The following TAFA2 variants were observed in gnomAD, a reference collection of about 807,000 sequenced individuals.
The protein encoded by TAFA2 is chemokine-like protein TAFA-2.
In TAFA2, 7 loss-of-function variants were observed where a neutral mutation model predicts 18.8. The ratio of observed to expected loss-of-function variants is 0.37; its 90% CI spans 0.21 to 0.70. The LOEUF is 0.70. Ranked by LOEUF, TAFA2 falls within the 30% of genes least tolerant of loss-of-function variation. The pLI, the probability that TAFA2 is intolerant of heterozygous loss-of-function variation, is 0.53. For synonymous variants in TAFA2, 60 were observed against 54.2 expected, an observed-to-expected ratio of 1.11 and a Z score of -0.47; for missense variants, 122 against 158.1, an observed-to-expected ratio of 0.77 and a Z score of 1.23.
intron 1 of TAFA2, among the ~76,000 whole-genome samples, chr12:61,953,898 G>A (rs1359470897): frequency 6.6e-6 from 1 of 152,188 alleles, no homozygotes; most frequent in Non-Finnish European, 1.5e-5. Flanking sequence ...TTTTTGAAAA[G>A]CGTATTAAGA....
chr12:62,095,562 T>C (rs2136840736), intron 1 of TAFA2, among the ~76,000 whole-genome samples: 1 of 152,210 alleles, frequency 6.6e-6, no homozygotes, highest in African/African-American at 2.4e-5. Context: ...TTTCATTTAG[T>C]AAGGCAGACT....
intron 1 of TAFA2, among the ~76,000 whole-genome samples, chr12:61,994,902 G>C (rs1203868101): frequency 6.6e-6 from 1 of 152,030 alleles, no homozygotes; most frequent in Non-Finnish European, 1.5e-5. Context: ...AATACATCCT[G>C]AACATGCTCA....
intron 4 of TAFA2, among the ~76,000 whole-genome samples, chr12:61,719,840 G>T (rs1377883486): frequency 1.3e-5 from 2 of 152,140 alleles, no homozygotes; most frequent in Non-Finnish European, 2.9e-5. Context: ...GTGAGAACAT[G>T]CCAGAAGCAG....
At chr12:62,095,518 A>T (rs1868911628) in intron 1 of TAFA2, among the ~76,000 whole-genome samples, 1 of 152,164 alleles carries the variant, frequency 6.6e-6, no homozygotes, top group African/African-American at 2.4e-5. Flanking sequence ...GCAAGAAATT[A>T]GTATCTATAT....
At chr12:61,958,865 A>C (rs971683051) in intron 1 of TAFA2, among the ~76,000 whole-genome samples, 10 of 151,986 alleles carry the variant, frequency 6.6e-5, no homozygotes, top group African/African-American at 2.4e-4. Flanking sequence ...CCTAACCACC[A>C]TATTTTTGAG....
chr12:61,978,822 A>G (rs1481172202), intron 1 of TAFA2, among the ~76,000 whole-genome samples: 1 of 152,114 alleles, frequency 6.6e-6, no homozygotes, highest in Non-Finnish European at 1.5e-5. Context: ...AGAAACTGCA[A>G]GGATTGAAGT....
chr12:62,077,169 C>T (rs1868255062), intron 1 of TAFA2, among the ~76,000 whole-genome samples: 1 of 152,162 alleles, frequency 6.6e-6, no homozygotes, highest in Non-Finnish European at 1.5e-5. Context: ...TGTTGGCTGA[C>T]TTGATTAAGT....
intron 1 of TAFA2, among the ~76,000 whole-genome samples, chr12:61,894,292 A>C (rs894432083): frequency 2.6e-5 from 4 of 152,230 alleles, no homozygotes; most frequent in Non-Finnish European, 5.9e-5. Flanking sequence ...TAAATATAAA[A>C]GTTTTGCTAA....
In TAFA2 at chr12:62,143,604, C is replaced by A. The variant is rs2062255899; in HGVS notation, c.-2+47655G>T. 2.6e-5 allele frequency among the ~76,000 whole-genome samples: 4 copies of A among 152,178 alleles called. No homozygotes were observed. The South Asian group carries it at 8.3e-4, about 32-fold the overall frequency. On this transcript the variant is annotated intron_variant, in intron 1 of 4. Coordinates refer to ENST00000416284, the MANE Select transcript of TAFA2 (RefSeq NM_178539.5). ...TCTATGTGAAGGTAGCTGGCTAGAC[C>A]AATACAGCCCACAACCTGAGCAGCT... is the stretch of plus-strand genomic sequence containing the variant.
chr12:62,051,556 CA>C (rs1489720247), intron 1 of TAFA2, among the ~76,000 whole-genome samples: 1 of 151,854 alleles, frequency 6.6e-6, no homozygotes, highest in Non-Finnish European at 1.5e-5. Flanking sequence ...AGGAGAAATT[CA>C]AAAATGTACA....
chr12:62,063,414 A>G (rs1882404041), intron 1 of TAFA2, among the ~76,000 whole-genome samples: 1 of 152,242 alleles, frequency 6.6e-6, no homozygotes, highest in East Asian at 1.9e-4. Flanking sequence ...ATTCTTATTC[A>G]TTTATCTGTT....
chr12:61,923,071 C>G (rs1347960664), intron 1 of TAFA2, among the ~76,000 whole-genome samples: 1 of 152,212 alleles, frequency 6.6e-6, no homozygotes. Context: ...CAGGGCATCT[C>G]TGAAAGAAAG....
chr12:61,777,569 CAATAGAACACATA>C (rs1870319569), intron 2 of TAFA2, among the ~76,000 whole-genome samples: 1 of 151,642 alleles, frequency 6.6e-6, no homozygotes, highest in Non-Finnish European at 1.5e-5. Context: ...ACCTAAGAGT[CAATAGAACACATA>C]AATAGGGGCA....
intron 4 of TAFA2, among the ~76,000 whole-genome samples, chr12:61,713,554 CA>C (rs1869511999): frequency 6.6e-6 from 1 of 152,134 alleles, no homozygotes; most frequent in Non-Finnish European, 1.5e-5. Flanking sequence ...TATCTACCAG[CA>C]CCCTCCCTGA....
intron 1 of TAFA2, among the ~76,000 whole-genome samples, chr12:61,994,690 CT>C (rs1181670160): frequency 1.3e-5 from 2 of 152,094 alleles, no homozygotes; most frequent in Admixed American, 6.6e-5. Flanking sequence ...CTCTCCCTTC[CT>C]CATTTTTTTA....
chr12:62,087,922 T>A (rs1282739282), intron 1 of TAFA2, among the ~76,000 whole-genome samples: 1 of 152,108 alleles, frequency 6.6e-6, no homozygotes. Context: ...CCAACAAATC[T>A]TGCTGTTTTC....
rs147910740 is a variant in TAFA2, at chr12:61,902,486, C to G, written c.-1-35060G>C. Among the ~76,000 whole-genome samples the G allele has an allele frequency of 3.3e-5, 5 of 152,220 alleles. No homozygotes were observed. The East Asian group carries it at 9.7e-4, about 29-fold the overall frequency. ...GCATACCCTTATTTTTTAACACTTTCCTCTCTTCTGGGAGTGAGGCTTTGA... is the reference window on the plus strand; with the variant it reads ...GCATACCCTTATTTTTTAACACTTTGCTCTCTTCTGGGAGTGAGGCTTTGA... On this transcript the variant is annotated intron_variant, in intron 1 of 4. Coordinates refer to ENST00000416284, the MANE Select transcript of TAFA2 (RefSeq NM_178539.5).
intron 1 of TAFA2, among the ~76,000 whole-genome samples, chr12:62,079,117 C>G (rs1286925031): frequency 6.6e-6 from 1 of 152,166 alleles, no homozygotes; most frequent in Non-Finnish European, 1.5e-5. Flanking sequence ...GCAGCTGCCC[C>G]TCTCTCCAGC....
chr12:61,928,229 C>T (rs140476461), intron 1 of TAFA2, among the ~76,000 whole-genome samples: 17 of 152,280 alleles, frequency 1.1e-4, no homozygotes, highest in African/African-American at 4.1e-4. Context: ...AGGCAACCTA[C>T]AGAATGGGAG....
Sources: allele counts gnomAD v4.1 joint callset (sites outside exome capture counted in the v4.1 genomes callset), GRCh38; gene constraint gnomAD v4.1.1; transcripts MANE v1.5; gene names NCBI Gene and HGNC (gene_info 2026-07-23, HGNC 2026-07-21).